Variants in MNAT1 observed in about 807,000 individuals in gnomAD.
MNAT1 encodes the protein MNAT1 component of CDK activating kinase, also known as CDK-activating kinase assembly factor MAT1.
MNAT1 carries 43 observed loss-of-function variants against 42.0 expected under a neutral mutation model. That is an observed-to-expected ratio of 1.02 (90% confidence interval 0.80 to 1.32). MNAT1 has a LOEUF of 1.32. Ranked by LOEUF, MNAT1 falls within the 40% of genes most tolerant of loss-of-function variation. The pLI is 0.00. For missense variants in MNAT1, 306 were observed against 350.4 expected, an observed-to-expected ratio of 0.87 and a Z score of 1.01; for synonymous variants, 118 against 120.0, an observed-to-expected ratio of 0.98 and a Z score of 0.11.
chr14:60,869,040 A>ATATATATTTTTTT (rs1465360826), intron 6 of MNAT1, among the ~76,000 whole-genome samples: 4 of 113,054 alleles, frequency 3.5e-5, no homozygotes, highest in African/African-American at 1.0e-4. Context: ...ATATATATAT[A>ATATATATTTTTTT]TTTTTTTTTT....
At chr14:60,757,241 G>A (rs1414600432) in intron 1 of MNAT1, among the ~76,000 whole-genome samples, 4 of 152,128 alleles carry the variant, frequency 2.6e-5, no homozygotes, top group Non-Finnish European at 5.9e-5. Context: ...AATACATACT[G>A]ATCTGACAGT....
chr14:60,871,854 C>T (rs2034331690), intron 6 of MNAT1, among the ~76,000 whole-genome samples: 1 of 152,034 alleles, frequency 6.6e-6, no homozygotes, highest in Admixed American at 6.6e-5. Flanking sequence ...AACTCCTGAC[C>T]TCAGGTGATC....
At chr14:60,772,595 CAA>C (rs369654270) in intron 1 of MNAT1, among the ~76,000 whole-genome samples, 12 of 108,446 alleles carry the variant, frequency 1.1e-4, no homozygotes, top group African/African-American at 1.1e-4. Flanking sequence ...CTCCCCATTT[CAA>C]AAAAAAAAAA....
intron 1 of MNAT1, among the ~76,000 whole-genome samples, chr14:60,753,323 T>A (rs2030184146): frequency 6.6e-6 from 1 of 152,124 alleles, no homozygotes; most frequent in African/African-American, 2.4e-5. Context: ...CACTTATATG[T>A]GGATTTCAAA....
At chr14:60,821,891 TTTTGCTTTGCCATTGGGAGA>T (rs2032900841) in intron 6 of MNAT1, among the ~76,000 whole-genome samples, 1 of 152,190 alleles carries the variant, frequency 6.6e-6, no homozygotes, top group Non-Finnish European at 1.5e-5. Context: ...CTTCAGAGCA[TTTTGCTTTGCCATTGGGAGA>T]TTCACATTTG....
intron 7 of MNAT1, among the ~76,000 whole-genome samples, chr14:60,950,481 G>C (rs911334390): frequency 6.6e-6 from 1 of 152,144 alleles, no homozygotes; most frequent in African/African-American, 2.4e-5. Context: ...CCCAGTGACT[G>C]ATATATACTC....
At chr14:60,791,940 G>C (rs1363775421) in intron 1 of MNAT1, among the ~76,000 whole-genome samples, 2 of 152,082 alleles carry the variant, frequency 1.3e-5, no homozygotes, top group African/African-American at 4.8e-5. Flanking sequence ...GGTTAGGAAG[G>C]AGAGAAAAAT....
intron 6 of MNAT1, among the ~76,000 whole-genome samples, chr14:60,869,008 TTG>T (rs1164356472): frequency 1.4e-5 from 2 of 138,248 alleles, no homozygotes; most frequent in Non-Finnish European, 3.2e-5. Context: ...CTTTTTTATA[TTG>T]TGTTATTTTA....
chr14:60,856,637 A>G (rs2033965043), intron 6 of MNAT1, among the ~76,000 whole-genome samples: 1 of 151,534 alleles, frequency 6.6e-6, no homozygotes, highest in African/African-American at 2.4e-5. Flanking sequence ...CTCTTTTTAG[A>G]GGCTAATGCA....
chr14:60,923,197 CAG>C (rs1377654979), intron 7 of MNAT1, among the ~76,000 whole-genome samples: 1 of 152,112 alleles, frequency 6.6e-6, no homozygotes, highest in Non-Finnish European at 1.5e-5. Flanking sequence ...AACCATATAT[CAG>C]AATCACCTAG....
chr14:60,754,079 G>C (rs1400095170), intron 1 of MNAT1: 3 of 152,154 alleles, frequency 2.0e-5, no homozygotes, highest in African/African-American at 4.8e-5. Context: ...TTAGTCTTCA[G>C]TCCCAGTCCT....
chr14:60,757,269 C>G (rs909708399), intron 1 of MNAT1, among the ~76,000 whole-genome samples: 3 of 152,102 alleles, frequency 2.0e-5, no homozygotes, highest in African/African-American at 7.2e-5. Flanking sequence ...TCTTATTTAC[C>G]TCTTTCCTCA....
intron 1 of MNAT1, among the ~76,000 whole-genome samples, chr14:60,765,145 G>A (rs1210351517): frequency 1.3e-5 from 2 of 152,210 alleles, no homozygotes; most frequent in Non-Finnish European, 2.9e-5. Context: ...CAGCTACTTG[G>A]GAGGCTGAGA....
At chr14:60,772,603 A>AC (rs2031099858) in intron 1 of MNAT1, among the ~76,000 whole-genome samples, 1 of 152,162 alleles carries the variant, frequency 6.6e-6, no homozygotes, top group Non-Finnish European at 1.5e-5. Context: ...TTCAAAAAAA[A>AC]AAAAAAGCCA....
At chr14:60,876,968 A>T (rs1009751686) in intron 6 of MNAT1, among the ~76,000 whole-genome samples, 18 of 152,000 alleles carry the variant, frequency 1.2e-4, no homozygotes, top group Non-Finnish European at 2.5e-4. Context: ...CAATTGTTGG[A>T]TCATGTGGTA....
At chr14:60,825,500 T>C (rs891450144) in intron 6 of MNAT1, among the ~76,000 whole-genome samples, 1 of 152,222 alleles carries the variant, frequency 6.6e-6, no homozygotes, top group Non-Finnish European at 1.5e-5. Flanking sequence ...GCCAGCATAG[T>C]CTGGCTGCTG....
intron 6 of MNAT1, among the ~76,000 whole-genome samples, chr14:60,852,358 G>C (rs1004666099): frequency 6.6e-6 from 1 of 152,064 alleles, no homozygotes; most frequent in Non-Finnish European, 1.5e-5. Flanking sequence ...CATATCCTTT[G>C]CCCACTTTTT....
At chr14:60,963,947 C>T (rs2036639821) in intron 7 of MNAT1, among the ~76,000 whole-genome samples, 1 of 152,140 alleles carries the variant, frequency 6.6e-6, no homozygotes, top group Non-Finnish European at 1.5e-5. Context: ...TCTTGAGTGA[C>T]AAGCCCTGCC....
At chr14:60,865,957 C>G (rs890158905) in intron 6 of MNAT1, among the ~76,000 whole-genome samples, 7 of 152,200 alleles carry the variant, frequency 4.6e-5, no homozygotes, top group African/African-American at 1.7e-4. Context: ...AGGGCTGTTT[C>G]AGCCTTCAGA....
Sources: allele counts gnomAD v4.1 joint callset (sites outside exome capture counted in the v4.1 genomes callset), GRCh38; gene constraint gnomAD v4.1.1; transcripts MANE v1.5; gene names NCBI Gene and HGNC (gene_info 2026-07-23, HGNC 2026-07-21).